PCNX1: variants seen among roughly 807,000 people sequenced by gnomAD.
PCNX1 encodes pecanex 1, also known as pecanex-like protein 1.
PCNX1 carries 78 observed loss-of-function variants against 242.2 expected under a neutral mutation model. That is an observed-to-expected ratio of 0.32 (90% CI 0.27 to 0.39). The LOEUF is 0.39. PCNX1 is among the 10% of genes least tolerant of loss of function. PCNX1 has a pLI of 1.00. For missense variants in PCNX1, 2,581 were observed against 2,856.5 expected, an observed-to-expected ratio of 0.90 and a Z score of 2.20; for synonymous variants, 1,024 against 1,032.9, an observed-to-expected ratio of 0.99 and a Z score of 0.17.
intron 19 of PCNX1, among the ~76,000 whole-genome samples, chr14:71,037,029 T>A (rs2060557529): frequency 6.6e-6 from 1 of 151,968 alleles, no homozygotes; most frequent in Non-Finnish European, 1.5e-5. Context: ...GATTCCTAGG[T>A]ATTTTATTCT....
At chr14:71,040,059 G>A (rs985969809) in intron 19 of PCNX1, among the ~76,000 whole-genome samples, 4 of 151,972 alleles carry the variant, frequency 2.6e-5, no homozygotes, top group East Asian at 1.9e-4. Context: ...TGATCCTCCT[G>A]CCTTGGCATC....
rs182077848 is a variant in PCNX1 at position 71,047,341 on chromosome 14, A to G, written c.4160+236A>G. ...TTGATATTTTATGAGAGGACATTTTAAAATAAGGTTAATTTTTAATATTAT... is the reference window on the plus strand; with the variant it reads ...TTGATATTTTATGAGAGGACATTTTGAAATAAGGTTAATTTTTAATATTAT... On this transcript the variant is annotated intron_variant, in intron 21 of 35. Coordinates refer to ENST00000304743, the MANE Select transcript of PCNX1 (RefSeq NM_014982.3). Among the ~76,000 whole-genome samples, 346 of 152,220 alleles carry G rather than the reference A, an allele frequency of 2.3e-3. 1 individual carries two copies. The highest frequency in any genetic ancestry group is 8.0e-3 in the African/African-American group (333 of 41,554).
At chr14:70,934,530 C>A (rs573178561) in intron 1 of PCNX1, among the ~76,000 whole-genome samples, 18 of 152,284 alleles carry the variant, frequency 1.2e-4, no homozygotes, top group Non-Finnish European at 2.2e-4. Context: ...GATCCTCCCC[C>A]CTCAGCCTCC....
At chr14:71,032,553 A>G (rs535474050) in intron 16 of PCNX1, among the ~76,000 whole-genome samples, 1 of 152,222 alleles carries the variant, frequency 6.6e-6, no homozygotes, top group Non-Finnish European at 1.5e-5. Flanking sequence ...GCTATTAAAA[A>G]AATAAAATGT....
chr14:70,959,017 C>CAAA (rs34761560), intron 2 of PCNX1, among the ~76,000 whole-genome samples: 914 of 78,150 alleles, frequency 0.012, 15 homozygotes, highest in African/African-American at 0.039. Context: ...CAGATAATAG[C>CAAA]AAAAAAAAAA....
chr14:71,066,623 T>G (rs1188384065), intron 26 of PCNX1, among the ~76,000 whole-genome samples: 1 of 152,220 alleles, frequency 6.6e-6, no homozygotes, highest in African/African-American at 2.4e-5. Context: ...CTGATTGCCC[T>G]GTCCAGAACG....
chr14:70,966,008 A>G (rs894231443), intron 3 of PCNX1, among the ~76,000 whole-genome samples: 19 of 152,226 alleles, frequency 1.2e-4, no homozygotes, highest in Non-Finnish European at 1.6e-4. Context: ...GTGAGGGCAA[A>G]CAGGAAAATT....
intron 17 of PCNX1, 146 bp downstream of exon 17, chr14:71,033,684 G>T: frequency 1.7e-6 from 1 of 590,146 alleles, no homozygotes; most frequent in South Asian, 2.4e-5. Context: ...TAATAATTTT[G>T]GGTTATTCAA....
intron 27 of PCNX1, among the ~76,000 whole-genome samples, chr14:71,075,096 G>A (rs986101847): frequency 6.8e-6 from 1 of 147,618 alleles, no homozygotes; most frequent in Admixed American, 6.9e-5. Flanking sequence ...CAGGGCTCAA[G>A]CAATACACCC....
chr14:70,908,446 C>T (rs1425061508), intron 1 of PCNX1, among the ~76,000 whole-genome samples: 1 of 152,204 alleles, frequency 6.6e-6, no homozygotes, highest in Non-Finnish European at 1.5e-5. Flanking sequence ...CCGCCGCGGC[C>T]CTCGTCCGGG....
intron 2 of PCNX1, among the ~76,000 whole-genome samples, chr14:70,949,276 C>CATAT (rs1340578012): frequency 9.8e-4 from 29 of 29,442 alleles, no homozygotes; most frequent in Admixed American, 4.7e-3. Context: ...TATGCACACA[C>CATAT]GTGTATACAC....
intron 9 of PCNX1, among the ~76,000 whole-genome samples, chr14:71,011,066 A>G (rs2059808474): frequency 6.6e-6 from 1 of 152,160 alleles, no homozygotes. Flanking sequence ...GTAAAGCCTC[A>G]AGTTTTGAAA....
intron 5 of PCNX1, among the ~76,000 whole-genome samples, chr14:70,970,380 TCAAC>T (rs1465644338): frequency 1.3e-5 from 2 of 152,032 alleles, no homozygotes; most frequent in African/African-American, 2.4e-5. Context: ...TCTCAGTCAA[TCAAC>T]CAATCAATCA....
intron 11 of PCNX1, among the ~76,000 whole-genome samples, chr14:71,017,472 C>T (rs1237796539): frequency 6.6e-6 from 1 of 152,000 alleles, no homozygotes; most frequent in Non-Finnish European, 1.5e-5. Flanking sequence ...AAATAAAGAA[C>T]TTGTAGCCTT....
chr14:70,979,963 C>CTTT (rs372868612), intron 6 of PCNX1, among the ~76,000 whole-genome samples: 1 of 136,602 alleles, frequency 7.3e-6, no homozygotes, highest in Non-Finnish European at 1.6e-5. Flanking sequence ...ATAGTTCTCT[C>CTTT]TTTTTTTTTT....
intron 5 of PCNX1, among the ~76,000 whole-genome samples, chr14:70,974,910 C>G (rs545018968): frequency 6.6e-6 from 1 of 152,122 alleles, no homozygotes; most frequent in South Asian, 2.1e-4. Flanking sequence ...CTGAAAATTT[C>G]CTGAAACCAC....
chr14:71,006,971 C>T (rs1019069418), intron 8 of PCNX1, among the ~76,000 whole-genome samples: 1 of 152,128 alleles, frequency 6.6e-6, no homozygotes, highest in Non-Finnish European at 1.5e-5. Context: ...AAACATGCTT[C>T]TGAAGCTTAA....
Position 71,068,591 on chromosome 14 carries a change from C to CGTGTGTGTGTGTGT in PCNX1, c.4853-4935_4853-4922dup, listed in dbSNP as rs373964832. Among the ~76,000 whole-genome samples the CGTGTGTGTGTGTGT allele has an allele frequency of 4.1e-3, 510 of 123,768 alleles. 7 individuals carry two copies. Among genetic ancestry groups the CGTGTGTGTGTGTGT allele is most frequent in the African/African-American group, 0.013 (391 of 29,864 alleles). The allele number at this position is 123,768 out of a possible 152,430, so 81.2% of individuals were successfully genotyped here. On this transcript the variant is annotated intron_variant, in intron 26 of 35. Coordinates refer to ENST00000304743, the MANE Select transcript of PCNX1 (RefSeq NM_014982.3). ...GACTTTTTAGGTTTGTATGTACGTGCGTGTGTGTGTGTGTGTGTGTGTGTG... is the reference window on the plus strand; with the variant it reads ...GACTTTTTAGGTTTGTATGTACGTGCGTGTGTGTGTGTGTGTGTGTGTGTGTGTGTGTGTGTGTG...
rs370831013 is a variant in PCNX1 at position 71,109,530 on chromosome 14, C to T, written c.6823C>T (p.Arg2275Trp). 39 of 1,613,772 alleles carry T rather than the reference C, an allele frequency of 2.4e-5. No homozygotes were observed. Among genetic ancestry groups the T allele is most frequent in the Non-Finnish European group, 2.9e-5 (34 of 1,179,852 alleles). Residue 2275 changes from arginine (R) to tryptophan (W), a missense_variant, in exon 35 of 36, where the codon CGG becomes TGG. Physicochemically the swap from Arg to Trp is moderately radical, Grantham distance 101. Transcript: ENST00000304743. ...GCTACAGTGGCCTGATGAAGGAATC[C>T]GGTTAAAAGCTGGGAGAAATAGCTG... ...KELQWPDEGI[R>W]LKAGRNSWKD... is the part of the protein sequence containing the mutation.
Sources: allele counts gnomAD v4.1 joint callset (sites outside exome capture counted in the v4.1 genomes callset), GRCh38; gene constraint gnomAD v4.1.1; transcripts MANE v1.5; gene names NCBI Gene and HGNC (gene_info 2026-07-23, HGNC 2026-07-21).